Variants in PPM1E observed in about 807,000 individuals in gnomAD.
The protein encoded by PPM1E is protein phosphatase, Mg2+/Mn2+ dependent 1E, also known as protein phosphatase 1E.
Under a neutral mutation model 65.9 loss-of-function variants are expected in PPM1E, and 20 were observed. The ratio of observed to expected loss-of-function variants is 0.30; its 90% CI spans 0.21 to 0.44. The LOEUF is 0.44. Among genes scored for constraint, PPM1E ranks in the 20% least tolerant of loss-of-function variants. The pLI is 1.00. For synonymous variants in PPM1E, 352 were observed against 374.9 expected, an observed-to-expected ratio of 0.94 and a Z score of 0.70; for missense variants, 713 against 953.1, an observed-to-expected ratio of 0.75 and a Z score of 3.32.
chr17:58,981,125 C>T lies in PPM1E; in HGVS notation c.*94C>T. On this transcript the variant is annotated 3_prime_UTR_variant, in exon 7 of 7. Coordinates refer to ENST00000308249, the MANE Select transcript of PPM1E (RefSeq NM_014906.5). ...AGACATTTCTAAAACATATGTGCTTCATTATGAATCCATGGATGGCTCAAT... is the reference window on the plus strand; with the variant it reads ...AGACATTTCTAAAACATATGTGCTTTATTATGAATCCATGGATGGCTCAAT... 1.2e-6 allele frequency: 1 copy of T among 842,502 alleles called. No homozygotes were observed. The highest frequency in any genetic ancestry group is 1.8e-6 in the Non-Finnish European group (1 of 546,408). 52.2% of individuals were successfully genotyped at this position (842,502 alleles called of 1,614,324 possible).
intron 1 of PPM1E, among the ~76,000 whole-genome samples, chr17:58,804,095 T>A (rs1236473384): frequency 2.6e-5 from 4 of 152,002 alleles, no homozygotes; most frequent in African/African-American, 9.7e-5. Flanking sequence ...TGGCAGCTAA[T>A]TTTTTAATAT....
At position 58,772,556 on chromosome 17, in the gene PPM1E, G is replaced by A. The variant is rs556491660; in HGVS notation, c.464+16095G>A. ...ATTTTGGAAGGGGACACTTAAATTA[G>A]GTTTAGAAGACTCAATAAGAATTAG... On this transcript the variant is annotated intron_variant, in intron 1 of 6. Transcript: ENST00000308249. Among the ~76,000 whole-genome samples, 24 of 152,130 alleles carry A rather than the reference G, an allele frequency of 1.6e-4. No homozygotes were observed. In the South Asian group the frequency reaches 5.0e-3, roughly 32 times the overall value.
At chr17:58,788,054 T>C (rs561098295) in intron 1 of PPM1E, among the ~76,000 whole-genome samples, 41 of 152,240 alleles carry the variant, frequency 2.7e-4, no homozygotes, top group African/African-American at 9.9e-4. Flanking sequence ...GTATAAACTT[T>C]TTTTCTTCTT....
chr17:58,783,934 C>T (rs1017844307), intron 1 of PPM1E, among the ~76,000 whole-genome samples: 2 of 151,782 alleles, frequency 1.3e-5, no homozygotes, highest in Admixed American at 1.3e-4. Context: ...TGGTCTCAAA[C>T]TCCTGTCCTC....
At chr17:58,899,665 C>T (rs193142078) in intron 1 of PPM1E, 3 of 213,090 alleles carry the variant, frequency 1.4e-5, no homozygotes, top group East Asian at 1.1e-4. Flanking sequence ...AAGATGTCAT[C>T]GAAGAGTACT....
intron 1 of PPM1E, among the ~76,000 whole-genome samples, chr17:58,873,177 A>G (rs1227309328): frequency 1.3e-5 from 2 of 152,204 alleles, no homozygotes; most frequent in Non-Finnish European, 2.9e-5. Context: ...ACTCTTTGTA[A>G]GTTGATATGA....
chr17:58,929,145 G>C (rs1049217890), intron 1 of PPM1E, among the ~76,000 whole-genome samples: 1 of 152,034 alleles, frequency 6.6e-6, no homozygotes, highest in African/African-American at 2.4e-5. Context: ...AATTATTATT[G>C]ATATACAATA....
intron 6 of PPM1E, among the ~76,000 whole-genome samples, chr17:58,978,076 T>C (rs1421027589): frequency 6.6e-6 from 1 of 152,176 alleles, no homozygotes; most frequent in Non-Finnish European, 1.5e-5. Context: ...ATACTAGAAA[T>C]AATGAATATA....
intron 1 of PPM1E, among the ~76,000 whole-genome samples, chr17:58,907,086 C>A (rs1254005055): frequency 1.3e-5 from 2 of 151,244 alleles, no homozygotes; most frequent in Admixed American, 6.6e-5. Flanking sequence ...AATACACACA[C>A]AAAAAAAAAT....
chr17:58,967,113 GA>G (rs1171206903), intron 3 of PPM1E, among the ~76,000 whole-genome samples: 1 of 152,148 alleles, frequency 6.6e-6, no homozygotes, highest in Non-Finnish European at 1.5e-5. Context: ...ACTTAACTCA[GA>G]AAGGAGAACC....
chr17:58,927,911 T>C (rs2051844499), intron 1 of PPM1E, among the ~76,000 whole-genome samples: 1 of 151,696 alleles, frequency 6.6e-6, no homozygotes, highest in Non-Finnish European at 1.5e-5. Context: ...CATACAAAAA[T>C]GAGCTGGGCG....
rs560730002 is a variant in PPM1E, at chr17:58,833,073, G to C, written c.464+76612G>C. ...ACTCCCAGCCTCAAGTGATTCACCT[G>C]CCTCAGCCTCACAAGATTTCACAGT... On this transcript the variant is annotated intron_variant, in intron 1 of 6. Coordinates refer to ENST00000308249, the MANE Select transcript of PPM1E (RefSeq NM_014906.5). Among the ~76,000 whole-genome samples the C allele has an allele frequency of 4.0e-5, 6 of 151,868 alleles. No individual in the cohort carries two copies. In the East Asian group the frequency reaches 1.2e-3, roughly 29 times the overall value.
chr17:58,889,354 A>G (rs2051317998), intron 1 of PPM1E, among the ~76,000 whole-genome samples: 1 of 152,182 alleles, frequency 6.6e-6, no homozygotes, highest in African/African-American at 2.4e-5. Context: ...TAATCCCAGC[A>G]CTTTGGGAGG....
At position 58,756,066 on chromosome 17, in the gene PPM1E, C is replaced by T. The variant is rs776373173; in HGVS notation, c.69C>T (p.Arg23=). 2.5e-6 allele frequency: 4 copies of T among 1,613,578 alleles called. No individual in the cohort carries two copies. The highest frequency in any genetic ancestry group is 3.4e-6 in the Non-Finnish European group (4 of 1,179,840). The change falls in exon 1 of 7, where the codon CGC becomes CGT. Residue 23 remains arginine (R), a synonymous_variant. Transcript: ENST00000308249. The part of the protein sequence containing the change: ...RFLELFLGEF[R]GPCGGGEPEP... The stretch of plus-strand genomic sequence containing the variant: ...TGGAGCTATTCCTGGGCGAGTTTCG[C>T]GGACCGTGCGGCGGCGGCGAGCCGG...
chr17:58,779,400 C>T (rs1392095434), intron 1 of PPM1E, among the ~76,000 whole-genome samples: 2 of 151,714 alleles, frequency 1.3e-5, no homozygotes, highest in East Asian at 1.9e-4. Flanking sequence ...CTCGAACTTC[C>T]GACCTCAGGT....
At chr17:58,919,951 G>T (rs916415708) in intron 1 of PPM1E, among the ~76,000 whole-genome samples, 1 of 152,150 alleles carries the variant, frequency 6.6e-6, no homozygotes, top group African/African-American at 2.4e-5. Context: ...TCAGGGGAGG[G>T]CAGGGTAGAA....
chr17:58,965,037 C>T (rs958470515), intron 2 of PPM1E, among the ~76,000 whole-genome samples: 3 of 129,388 alleles, frequency 2.3e-5, no homozygotes, highest in Admixed American at 7.9e-5. Context: ...AAAAGCGAAA[C>T]TCCGTCTTAA....
chr17:58,819,663 G>A (rs1208589470), intron 1 of PPM1E, among the ~76,000 whole-genome samples: 1 of 152,050 alleles, frequency 6.6e-6, no homozygotes, highest in Non-Finnish European at 1.5e-5. Flanking sequence ...TACAATCATG[G>A]TGGAAGGCAA....
chr17:58,965,154 C>T (rs1301951300), intron 2 of PPM1E, among the ~76,000 whole-genome samples: 1 of 151,740 alleles, frequency 6.6e-6, no homozygotes, highest in African/African-American at 2.4e-5. Context: ...AGGAAGAAGT[C>T]AGGGAGAAAG....
Sources: gnomAD v4.1 joint callset for allele counts (sites outside exome capture counted in the v4.1 genomes callset) on GRCh38, gnomAD v4.1.1 for gene constraint, MANE v1.5 for transcripts, NCBI Gene and HGNC (gene_info 2026-07-23, HGNC 2026-07-21) for gene names.